Variants in KCNN2 observed in about 807,000 individuals in gnomAD.
The protein encoded by KCNN2 is small conductance calcium-activated potassium channel protein 2.
KCNN2 carries 24 observed loss-of-function variants against 55.5 expected under a neutral mutation model. That is an observed-to-expected ratio of 0.43 (90% CI 0.31 to 0.61). KCNN2 has a LOEUF of 0.61. KCNN2 is among the 20% of genes least tolerant of loss of function. The probability of loss-of-function intolerance (pLI) is 0.08; values close to 1 mark genes in which losing one functional copy is unlikely to be tolerated. For missense variants in KCNN2, 754 were observed against 853.6 expected (o/e 0.88, Z 1.45); for synonymous variants, 431 against 336.1 (o/e 1.28, Z -3.09).
chr5:114,337,775 C>A (rs768228479), intron 2 of KCNN2, among the ~76,000 whole-genome samples: 1 of 152,012 alleles, frequency 6.6e-6, no homozygotes, highest in Non-Finnish European at 1.5e-5. Context: ...TGAATTTTAC[C>A]CTGTAGAGCT....
At chr5:114,202,596 T>TA (rs1268820947) in intron 1 of KCNN2, among the ~76,000 whole-genome samples, 24 of 141,724 alleles carry the variant, frequency 1.7e-4, no homozygotes, top group African/African-American at 6.3e-4. Flanking sequence ...TTTTTTTTTT[T>TA]TTTTTCCCGA....
chr5:114,197,733 A>G (rs905987011), intron 1 of KCNN2, among the ~76,000 whole-genome samples: 6 of 152,138 alleles, frequency 3.9e-5, no homozygotes, highest in Non-Finnish European at 7.4e-5. Context: ...TCCTAGGATG[A>G]AACCATAGTT....
chr5:114,149,392 G>T (rs957866220), intron 1 of KCNN2, among the ~76,000 whole-genome samples: 4 of 152,262 alleles, frequency 2.6e-5, no homozygotes, highest in Non-Finnish European at 5.9e-5. Flanking sequence ...GTGCAGCGGG[G>T]CTCTTTCCTT....
intron 2 of KCNN2, among the ~76,000 whole-genome samples, chr5:114,387,811 A>G (rs926777777): frequency 2.0e-5 from 3 of 152,204 alleles, no homozygotes; most frequent in Non-Finnish European, 4.4e-5. Context: ...GTTCATTCTC[A>G]GAGGCTTTCT....
At chr5:114,266,176 G>A (rs903603698) in intron 2 of KCNN2, among the ~76,000 whole-genome samples, 2 of 151,894 alleles carry the variant, frequency 1.3e-5, no homozygotes, top group African/African-American at 4.8e-5. Flanking sequence ...ATTCTATTTT[G>A]TTTTTACCAA....
chr5:114,153,263 A>T (rs540140779), intron 1 of KCNN2, among the ~76,000 whole-genome samples: 1 of 152,242 alleles, frequency 6.6e-6, no homozygotes, highest in South Asian at 2.1e-4. Context: ...TGACAAATAT[A>T]TTGCACTTGC....
At chr5:114,132,995 A>G (rs1183553353) in intron 1 of KCNN2, among the ~76,000 whole-genome samples, 1 of 152,204 alleles carries the variant, frequency 6.6e-6, no homozygotes, top group African/African-American at 2.4e-5. Flanking sequence ...ATGGAGAGAG[A>G]AAGAGAGGGA....
At chr5:114,100,981 A>G (rs1016419713) in intron 1 of KCNN2, among the ~76,000 whole-genome samples, 2 of 151,788 alleles carry the variant, frequency 1.3e-5, no homozygotes, top group African/African-American at 4.8e-5. Flanking sequence ...TATTTATATA[A>G]TATCCTTATT....
intron 1 of KCNN2, among the ~76,000 whole-genome samples, chr5:114,097,237 A>T (rs1230635854): frequency 6.6e-6 from 1 of 152,234 alleles, no homozygotes; most frequent in Non-Finnish European, 1.5e-5. Context: ...TTTTCACATG[A>T]TGGAAAGTAA....
In KCNN2 at chr5:114,093,709, C is replaced by T. The variant is rs187626122; in HGVS notation, c.-271+37209C>T. Reference sequence around the variant, plus strand: ...GGAGAATGAATGCAGGAGGAAATACCAAACTCTTATATAACCATTGACTCT... The same window carrying T: ...GGAGAATGAATGCAGGAGGAAATACTAAACTCTTATATAACCATTGACTCT... On this transcript the variant is annotated intron_variant, in intron 1 of 10. Coordinates refer to the KCNN2 transcript ENST00000512097. Among the ~76,000 whole-genome samples, 12 of 152,206 alleles carry T rather than the reference C, an allele frequency of 7.9e-5. No individual in the cohort carries two copies. The East Asian group carries it at 2.3e-3, about 29-fold the overall frequency.
chr5:114,186,974 T>C (rs1377425160), intron 1 of KCNN2, among the ~76,000 whole-genome samples: 1 of 152,178 alleles, frequency 6.6e-6, no homozygotes, highest in African/African-American at 2.4e-5. Flanking sequence ...ATGAACATGG[T>C]AAAGAAGTCA....
At chr5:114,195,796 C>T (rs1407185228) in intron 1 of KCNN2, among the ~76,000 whole-genome samples, 2 of 151,954 alleles carry the variant, frequency 1.3e-5, no homozygotes, top group Non-Finnish European at 2.9e-5. Context: ...TTAAATTTTT[C>T]ACCATTAAAT....
chr5:114,460,232 TTTTG>T (rs530209198), intron 3 of KCNN2, among the ~76,000 whole-genome samples: 36 of 152,168 alleles, frequency 2.4e-4, no homozygotes, highest in South Asian at 2.1e-4. Context: ...AAGGTTGTTT[TTTTG>T]TTTGTTTGTT....
intron 1 of KCNN2, among the ~76,000 whole-genome samples, chr5:114,123,585 G>T (rs1345285650): frequency 4.6e-5 from 6 of 130,362 alleles, no homozygotes; most frequent in East Asian, 3.9e-4. Context: ...GAATGGTCTC[G>T]ATCTCCTGAC....
At chr5:114,458,851 G>C (rs1344747174) in intron 3 of KCNN2, among the ~76,000 whole-genome samples, 1 of 152,158 alleles carries the variant, frequency 6.6e-6, no homozygotes, top group African/African-American at 2.4e-5. Flanking sequence ...TTAGAGAGAA[G>C]GGGGGACGTG....
At chr5:114,101,896 G>C (rs897316711) in intron 1 of KCNN2, among the ~76,000 whole-genome samples, 5 of 152,022 alleles carry the variant, frequency 3.3e-5, no homozygotes, top group Admixed American at 2.6e-4. Flanking sequence ...ATAAAGATAC[G>C]TGTGCATGTG....
chr5:114,295,433 C>G (rs1755989732), intron 2 of KCNN2, among the ~76,000 whole-genome samples: 1 of 152,176 alleles, frequency 6.6e-6, no homozygotes, highest in Admixed American at 6.5e-5. Flanking sequence ...CTCGCTGCCA[C>G]CTTGCAGTTT....
chr5:114,232,424 C>A (rs1676520419), intron 2 of KCNN2, among the ~76,000 whole-genome samples: 1 of 151,090 alleles, frequency 6.6e-6, no homozygotes, highest in African/African-American at 2.5e-5. Context: ...TAAATAATCA[C>A]TGGTAACCAT....
At chr5:114,141,317 C>T (rs1345907329) in intron 1 of KCNN2, among the ~76,000 whole-genome samples, 14 of 152,100 alleles carry the variant, frequency 9.2e-5, no homozygotes, top group Non-Finnish European at 4.4e-5. Flanking sequence ...GTGTGATGTT[C>T]CCCTTCCTGT....
Sources: allele counts gnomAD v4.1 joint callset (sites outside exome capture counted in the v4.1 genomes callset), GRCh38; gene constraint gnomAD v4.1.1; transcripts MANE v1.5; gene names NCBI Gene and HGNC (gene_info 2026-07-23, HGNC 2026-07-21).